Variants in SCN8A observed in about 807,000 individuals in gnomAD.
The protein encoded by SCN8A is sodium voltage-gated channel alpha subunit 8.
A neutral mutation model predicts 184.1 loss-of-function variants in SCN8A; 30 were observed. The observed-to-expected ratio is 0.16, with a 90% CI of 0.12 to 0.22. SCN8A has a LOEUF of 0.22. Ranked by LOEUF, SCN8A falls within the 10% of genes least tolerant of loss-of-function variation. The pLI is 1.00. For missense variants in SCN8A, 1,057 were observed against 2,498.9 expected (o/e 0.42, Z 12.30); for synonymous variants, 852 against 907.0 (o/e 0.94, Z 1.09).
intron 1 of SCN8A, among the ~76,000 whole-genome samples, chr12:51,609,792 A>G (rs897704145): frequency 7.8e-6 from 1 of 128,008 alleles, no homozygotes; most frequent in African/African-American, 2.9e-5. Context: ...AGGAAGGGGA[A>G]CATCATACAC....
At chr12:51,714,502 A>G (rs1312463569) in intron 11 of SCN8A, among the ~76,000 whole-genome samples, 1 of 152,242 alleles carries the variant, frequency 6.6e-6, no homozygotes, top group African/African-American at 2.4e-5. Flanking sequence ...GCTTATGAGA[A>G]GATGAGTGAT....
At position 51,807,156 on chromosome 12, in the gene SCN8A, G is replaced by A. The variant is rs768216910; in HGVS notation, c.5670G>A (p.Leu1890=). 5.0e-6 allele frequency: 8 copies of A among 1,613,950 alleles called. 1 individual carries two copies. In the South Asian group the frequency reaches 8.8e-5, roughly 18 times the overall value. Residue 1890 remains leucine (L), a synonymous_variant, in exon 27 of 27, where the codon CTG becomes CTA. Transcript: ENST00000627620. This position sits in a 1 kb window ranked among gnomAD's most constrained non-coding sequence, Gnocchi z 4.5. The stretch of plus-strand genomic sequence containing the variant: ...CTTACGAGCCAATCACAACCACACT[G>A]CGTCGCAAGCAGGAGGAGGTATCTG... The part of the protein sequence containing the change: ...KVSYEPITTT[L]RRKQEEVSAV...
intron 1 of SCN8A, among the ~76,000 whole-genome samples, chr12:51,594,491 T>G (rs1939301119): frequency 6.6e-6 from 1 of 152,202 alleles, no homozygotes; most frequent in South Asian, 2.1e-4. Context: ...TAATTATCTT[T>G]AATGTGCTGG....
chr12:51,709,242 T>A (rs1462597027), intron 11 of SCN8A, among the ~76,000 whole-genome samples: 5 of 152,206 alleles, frequency 3.3e-5, no homozygotes, highest in African/African-American at 9.6e-5. Context: ...CAGATTTTTT[T>A]AGACAAGGAT....
chr12:51,611,254 C>A (rs1939714105), intron 1 of SCN8A, among the ~76,000 whole-genome samples: 1 of 151,726 alleles, frequency 6.6e-6, no homozygotes. Flanking sequence ...CTCCGCCTCC[C>A]AGGTTCACGC....
intron 20 of SCN8A, among the ~76,000 whole-genome samples, chr12:51,778,825 A>C (rs569743173): frequency 3.7e-4 from 57 of 152,270 alleles, no homozygotes; most frequent in African/African-American, 1.3e-3. Context: ...CAATTTAAGT[A>C]AGCTAAGCTG....
chr12:51,731,642 C>T (rs1182729441), intron 12 of SCN8A, among the ~76,000 whole-genome samples: 1 of 152,066 alleles, frequency 6.6e-6, no homozygotes, highest in Admixed American at 6.6e-5. Flanking sequence ...TGAGGAACTT[C>T]CAAACTGTTC....
At chr12:51,800,971 A>G (rs1938541031) in intron 26 of SCN8A, among the ~76,000 whole-genome samples, 1 of 152,224 alleles carries the variant, frequency 6.6e-6, no homozygotes, top group Admixed American at 6.5e-5. Flanking sequence ...CGCTGGTTCA[A>G]GTCTGGAAAT....
At chr12:51,618,980 G>T (rs1231664313) in intron 1 of SCN8A, among the ~76,000 whole-genome samples, 2 of 152,128 alleles carry the variant, frequency 1.3e-5, no homozygotes. Flanking sequence ...AGTAAGAGAG[G>T]TAAGTCTTCC....
chr12:51,802,950 ATTC>A (rs1351469305), intron 26 of SCN8A, among the ~76,000 whole-genome samples: 1 of 152,198 alleles, frequency 6.6e-6, no homozygotes, highest in Non-Finnish European at 1.5e-5. Flanking sequence ...AAAGAAATCT[ATTC>A]TTAAAATTCT....
At chr12:51,738,211 G>A (rs1272654492) in intron 12 of SCN8A, among the ~76,000 whole-genome samples, 5 of 152,108 alleles carry the variant, frequency 3.3e-5, no homozygotes, top group African/African-American at 7.2e-5. Flanking sequence ...TTGACTTTGA[G>A]GGCTATATAA....
chr12:51,793,713 C>G (rs1938330067), intron 25 of SCN8A, among the ~76,000 whole-genome samples: 1 of 152,144 alleles, frequency 6.6e-6, no homozygotes, highest in Admixed American at 6.6e-5. Context: ...TGGTGCACAC[C>G]TGTAGGCCCA....
intron 26 of SCN8A, among the ~76,000 whole-genome samples, chr12:51,805,298 C>A (rs982234102): frequency 3.3e-5 from 5 of 151,976 alleles, no homozygotes; most frequent in African/African-American, 1.2e-4. Flanking sequence ...ACAAATACAG[C>A]CTGGATGTGG....
intron 1 of SCN8A, among the ~76,000 whole-genome samples, chr12:51,641,094 A>G (rs1262255761): frequency 1.3e-5 from 2 of 152,234 alleles, no homozygotes; most frequent in African/African-American, 4.8e-5. Flanking sequence ...GATCAAAAAT[A>G]TTTGAGAGAA....
intron 1 of SCN8A, among the ~76,000 whole-genome samples, chr12:51,606,330 A>G (rs185447499): frequency 2.2e-4 from 34 of 152,208 alleles, no homozygotes; most frequent in African/African-American, 7.9e-4. Flanking sequence ...TCCCAGCACC[A>G]TTTGTTGAAA....
At chr12:51,673,313 A>G (rs1302045599) in intron 2 of SCN8A, among the ~76,000 whole-genome samples, 3 of 152,234 alleles carry the variant, frequency 2.0e-5, no homozygotes, top group African/African-American at 7.2e-5. Flanking sequence ...TGCAAATACA[A>G]TATCATCTTA....
chr12:51,705,370 G>A (rs769864073), intron 9 of SCN8A, 47 bp from the exon 10 acceptor site: 9 of 1,589,328 alleles, frequency 5.7e-6, no homozygotes, highest in South Asian at 3.3e-5. Flanking sequence ...TTTTCAGCCC[G>A]GTTCATTTGG....
Position 51,636,034 on chromosome 12 carries a change from G to A in SCN8A, c.-54-26730G>A, listed in dbSNP as rs147516593. On this transcript the variant is annotated intron_variant, in intron 1 of 26. Coordinates refer to ENST00000627620, the MANE Select transcript of SCN8A (RefSeq NM_001330260.2). Reference sequence around the variant, plus strand: ...TTTTGAGACGCAATCTCGCTCTGTCGCCCAGGCTGGAGTGCAATGGCGCCA... The same window carrying A: ...TTTTGAGACGCAATCTCGCTCTGTCACCCAGGCTGGAGTGCAATGGCGCCA... 1.8e-4 allele frequency among the ~76,000 whole-genome samples: 28 copies of A among 152,182 alleles called. No homozygotes were observed. The East Asian group carries it at 1.9e-3, about 10-fold the overall frequency.
intron 20 of SCN8A, among the ~76,000 whole-genome samples, chr12:51,776,522 C>T (rs185031152): frequency 1.2e-4 from 19 of 152,340 alleles, no homozygotes; most frequent in Admixed American, 1.0e-3. Context: ...CAGAGGTTAT[C>T]CTTGTTGCAA....
Sources: gnomAD v4.1 joint callset for allele counts (sites outside exome capture counted in the v4.1 genomes callset) on GRCh38, gnomAD v4.1.1 for gene constraint, Gnocchi (gnomAD v3.1) non-coding constraint, MANE v1.5 for transcripts, NCBI Gene and HGNC (gene_info 2026-07-23, HGNC 2026-07-21) for gene names.